Variants in SLC16A9 observed in about 807,000 individuals in gnomAD.
SLC16A9 encodes the protein solute carrier family 16 member 9.
A neutral mutation model predicts 44.3 loss-of-function variants in SLC16A9; 26 were observed. The ratio of observed to expected loss-of-function variants is 0.59; its 90% CI spans 0.43 to 0.81. SLC16A9 has a LOEUF of 0.81. Ranked by LOEUF, SLC16A9 falls within the 40% of genes least tolerant of loss-of-function variation. SLC16A9 has a pLI of 0.00. For synonymous variants in SLC16A9, 230 were observed against 225.1 expected, an observed-to-expected ratio of 1.02 and a Z score of -0.19; for missense variants, 559 against 595.8, an observed-to-expected ratio of 0.94 and a Z score of 0.64.
intron 4 of SLC16A9, among the ~76,000 whole-genome samples, chr10:59,655,452 T>C (rs1296004996): frequency 6.6e-6 from 1 of 152,230 alleles, no homozygotes; most frequent in Non-Finnish European, 1.5e-5. Flanking sequence ...TTTAAGGATA[T>C]TTATAATGGC....
At chr10:59,678,775 C>T (rs989375906) in intron 2 of SLC16A9, among the ~76,000 whole-genome samples, 2 of 149,478 alleles carry the variant, frequency 1.3e-5, no homozygotes, top group South Asian at 4.3e-4. Flanking sequence ...GATCTCCTGA[C>T]CTCATGATCC....
intron 1 of SLC16A9, among the ~76,000 whole-genome samples, chr10:59,694,485 C>T (rs1293903158): frequency 1.3e-5 from 2 of 151,786 alleles, no homozygotes; most frequent in African/African-American, 4.8e-5. Flanking sequence ...TTAAGATAGA[C>T]TATAGATAGA....
intron 1 of SLC16A9, among the ~76,000 whole-genome samples, chr10:59,697,969 A>AAC (rs1554874630): frequency 6.0e-5 from 9 of 149,866 alleles, no homozygotes; most frequent in Admixed American, 2.0e-4. Context: ...CAGTAAAAAA[A>AAC]AAAACAAAAA....
intron 1 of SLC16A9, among the ~76,000 whole-genome samples, chr10:59,688,054 G>A (rs1002097820): frequency 6.6e-6 from 1 of 151,998 alleles, no homozygotes; most frequent in Non-Finnish European, 1.5e-5. Flanking sequence ...GGAGATCCAA[G>A]GCTTAACCTT....
At chr10:59,670,937 G>C (rs542584513) in intron 3 of SLC16A9, among the ~76,000 whole-genome samples, 2 of 152,146 alleles carry the variant, frequency 1.3e-5, no homozygotes, top group African/African-American at 4.8e-5. Flanking sequence ...TAACTCACAG[G>C]TCCCCAATAA....
chr10:59,708,062 G>T (rs1170751113), intron 1 of SLC16A9, among the ~76,000 whole-genome samples: 1 of 152,114 alleles, frequency 6.6e-6, no homozygotes, highest in East Asian at 1.9e-4. Flanking sequence ...GGGGTCGGTG[G>T]TGCTGAAAGT....
intron 2 of SLC16A9, among the ~76,000 whole-genome samples, chr10:59,678,501 C>T (rs1452296981): frequency 2.7e-5 from 4 of 148,610 alleles, no homozygotes; most frequent in African/African-American, 7.4e-5. Context: ...TTAACCAAAA[C>T]CTGGTCTTTA....
At chr10:59,675,919 T>A (rs1429574364) in intron 2 of SLC16A9, among the ~76,000 whole-genome samples, 2 of 152,216 alleles carry the variant, frequency 1.3e-5, no homozygotes, top group African/African-American at 4.8e-5. Context: ...AAATACTTCC[T>A]TTCACTCCTG....
chr10:59,678,540 C>CTTTTTTTTTTTTTTTT (rs1426559419), intron 2 of SLC16A9, among the ~76,000 whole-genome samples: 2 of 22,326 alleles, frequency 9.0e-5, no homozygotes, highest in Non-Finnish European at 1.4e-4. Flanking sequence ...TTTTCTTTTT[C>CTTTTTTTTTTTTTTTT]TTTTTCTTTT....
At chr10:59,709,036 C>A (rs1182916927) in intron 1 of SLC16A9, among the ~76,000 whole-genome samples, 2 of 152,200 alleles carry the variant, frequency 1.3e-5, no homozygotes, top group African/African-American at 4.8e-5. Context: ...CCTGGTTGCT[C>A]GCGCTCCGGA....
chr10:59,706,999 CA>C (rs760131923), intron 1 of SLC16A9, among the ~76,000 whole-genome samples: 1,679 of 90,476 alleles, frequency 0.019, 24 homozygotes, highest in Middle Eastern at 0.044. Context: ...AACTCCATCT[CA>C]AAAAAAAAAA....
intron 1 of SLC16A9, among the ~76,000 whole-genome samples, chr10:59,684,556 A>AT (rs2132494265): frequency 6.6e-6 from 1 of 152,302 alleles, no homozygotes; most frequent in African/African-American, 2.4e-5. Flanking sequence ...ATAAAAAGGC[A>AT]TAAAGTGAAA....
rs774914532 is a variant in SLC16A9 at position 59,664,222 on chromosome 10, T to C, written c.436+5A>G. On this transcript the variant is annotated splice_donor_5th_base_variant and intron_variant, in intron 4 of 5. Transcript: ENST00000395348. The stretch of plus-strand genomic sequence containing the variant: ...GACAATACTGTACTCATTTTGAAAA[T>C]ATACCTGTTGAAATCAGGCCAAGCG... 6.2e-7 allele frequency: 1 copy of C among 1,600,706 alleles called. No individual in the cohort carries two copies. The highest frequency in any genetic ancestry group is 8.5e-7 in the Non-Finnish European group (1 of 1,169,858).
intron 1 of SLC16A9, among the ~76,000 whole-genome samples, chr10:59,693,569 T>C (rs1840299712): frequency 6.6e-6 from 1 of 152,174 alleles, no homozygotes; most frequent in Non-Finnish European, 1.5e-5. Flanking sequence ...CGGTTTGAAA[T>C]AGCTATTCAA....
intron 1 of SLC16A9, among the ~76,000 whole-genome samples, chr10:59,697,143 G>T (rs1431103170): frequency 7.8e-6 from 1 of 128,804 alleles, no homozygotes; most frequent in Non-Finnish European, 1.7e-5. Flanking sequence ...CAGCCACCCC[G>T]TCCGGGAGGT....
chr10:59,677,843 C>A (rs990616284), intron 2 of SLC16A9, among the ~76,000 whole-genome samples: 5 of 151,680 alleles, frequency 3.3e-5, no homozygotes, highest in African/African-American at 1.2e-4. Flanking sequence ...TCAACCTCCA[C>A]GCACTTTTTT....
chr10:59,689,562 G>A (rs574494419), intron 1 of SLC16A9, among the ~76,000 whole-genome samples: 1 of 152,270 alleles, frequency 6.6e-6, no homozygotes, highest in Admixed American at 6.5e-5. Flanking sequence ...GGAGTTTATG[G>A]ATCCCCATGA....
At chr10:59,689,998 T>C (rs1292061422) in intron 1 of SLC16A9, among the ~76,000 whole-genome samples, 1 of 152,184 alleles carries the variant, frequency 6.6e-6, no homozygotes, top group Non-Finnish European at 1.5e-5. Context: ...TTTATCCTAA[T>C]GTTTATAGAA....
At chr10:59,679,096 G>A (rs1243667892) in intron 2 of SLC16A9, among the ~76,000 whole-genome samples, 1 of 152,158 alleles carries the variant, frequency 6.6e-6, no homozygotes, top group Non-Finnish European at 1.5e-5. Context: ...ACAAAAGGGA[G>A]AGGGCAAGGA....
Sources: allele counts gnomAD v4.1 joint callset (sites outside exome capture counted in the v4.1 genomes callset), GRCh38; gene constraint gnomAD v4.1.1; transcripts MANE v1.5; gene names NCBI Gene and HGNC (gene_info 2026-07-23, HGNC 2026-07-21).